Variants in GABRB1 observed in about 807,000 individuals in gnomAD.
GABRB1 encodes gamma-aminobutyric acid type A receptor subunit beta1, also known as gamma-aminobutyric acid receptor subunit beta-1.
In GABRB1, 17 loss-of-function variants were observed where a neutral mutation model predicts 51.6. The observed-to-expected ratio is 0.33, with a 90% CI of 0.23 to 0.49. GABRB1 has a LOEUF of 0.49. GABRB1 is among the 20% of genes least tolerant of loss of function. The pLI, the probability that GABRB1 is intolerant of heterozygous loss-of-function variation, is 0.99. For synonymous variants in GABRB1, 247 were observed against 218.9 expected (o/e 1.13, Z -1.14); for missense variants, 410 against 600.6 (o/e 0.68, Z 3.32).
At chr4:47,089,125 G>A (rs1728191879) in intron 3 of GABRB1, among the ~76,000 whole-genome samples, 1 of 152,218 alleles carries the variant, frequency 6.6e-6, no homozygotes, top group African/African-American at 2.4e-5. Context: ...TTACAATGAA[G>A]ATGAAGAGGA....
At chr4:47,356,451 A>G (rs1238825737) in intron 5 of GABRB1, among the ~76,000 whole-genome samples, 1 of 152,172 alleles carries the variant, frequency 6.6e-6, no homozygotes, top group Admixed American at 6.5e-5. Context: ...TTTTAGGCAA[A>G]GATTTATTTT....
At chr4:47,146,456 T>C (rs928411388) in intron 3 of GABRB1, among the ~76,000 whole-genome samples, 1 of 152,034 alleles carries the variant, frequency 6.6e-6, no homozygotes, top group Non-Finnish European at 1.5e-5. Flanking sequence ...AATGACATTA[T>C]AAATGGAGAC....
At chr4:47,195,433 TAGATAGATAGATGATA>T (rs1441211651) in intron 4 of GABRB1, among the ~76,000 whole-genome samples, 1 of 120,136 alleles carries the variant, frequency 8.3e-6, no homozygotes, top group African/African-American at 3.5e-5. Flanking sequence ...GATAGATAGA[TAGATAGATAGATGATA>T]GATAGATTAG....
intron 4 of GABRB1, among the ~76,000 whole-genome samples, chr4:47,206,083 A>T (rs1026478431): frequency 6.6e-6 from 1 of 152,002 alleles, no homozygotes; most frequent in African/African-American, 2.4e-5. Flanking sequence ...TGAATATCTT[A>T]AAACCATGAA....
intron 4 of GABRB1, among the ~76,000 whole-genome samples, chr4:47,222,477 T>C (rs1034920732): frequency 6.6e-6 from 1 of 152,100 alleles, no homozygotes; most frequent in Non-Finnish European, 1.5e-5. Context: ...GGGTTTGAAA[T>C]GCATCTCTGC....
intron 4 of GABRB1, among the ~76,000 whole-genome samples, chr4:47,251,779 T>C (rs1721997676): frequency 6.6e-6 from 1 of 152,124 alleles, no homozygotes; most frequent in Non-Finnish European, 1.5e-5. Flanking sequence ...GGGGGAAAGC[T>C]GGCAATCACA....
At chr4:47,115,456 T>C (rs897286527) in intron 3 of GABRB1, among the ~76,000 whole-genome samples, 1 of 151,962 alleles carries the variant, frequency 6.6e-6, no homozygotes, top group Non-Finnish European at 1.5e-5. Flanking sequence ...TAAGTAATAA[T>C]ATCTTGAGAA....
At position 47,324,160 on chromosome 4, in the gene GABRB1, C is replaced by T. The variant is rs1439724880; in HGVS notation, c.544+3951C>T. The stretch of plus-strand genomic sequence containing the variant: ...ATAATAATAAAAGAAAAAGCCATTT[C>T]AGGCCTGAAATCTCTCATTTTCACT... On this transcript the variant is annotated intron_variant, in intron 5 of 8. Coordinates refer to ENST00000295454, the MANE Select transcript of GABRB1 (RefSeq NM_000812.4). 4.6e-5 allele frequency among the ~76,000 whole-genome samples: 7 copies of T among 152,174 alleles called. No individual in the cohort carries two copies. The East Asian group carries it at 1.4e-3, about 29-fold the overall frequency.
intron 4 of GABRB1, among the ~76,000 whole-genome samples, chr4:47,195,461 T>TGATAGATA (rs200527612): frequency 2.8e-4 from 24 of 85,404 alleles, no homozygotes; most frequent in African/African-American, 4.0e-4. Context: ...ATAGATTAGA[T>TGATAGATA]GATAGATAGA....
intron 3 of GABRB1, among the ~76,000 whole-genome samples, chr4:47,062,905 A>T (rs559330366): frequency 1.3e-5 from 2 of 152,148 alleles, no homozygotes; most frequent in Non-Finnish European, 2.9e-5. Context: ...ACCAAGCCAT[A>T]CTATCCCTTC....
chr4:47,384,697 T>C (rs1197797935), intron 5 of GABRB1, among the ~76,000 whole-genome samples: 2 of 152,160 alleles, frequency 1.3e-5, no homozygotes, highest in Non-Finnish European at 2.9e-5. Context: ...TACATTTAAG[T>C]TAGCTAGATA....
chr4:47,113,386 C>A (rs1265758627), intron 3 of GABRB1, among the ~76,000 whole-genome samples: 4,319 of 105,432 alleles, frequency 0.041, no homozygotes, highest in Non-Finnish European at 0.047. Flanking sequence ...ACTTCGTCTC[C>A]AAAAAAAAAA....
intron 5 of GABRB1, among the ~76,000 whole-genome samples, chr4:47,358,260 C>T (rs1726659789): frequency 6.6e-6 from 1 of 151,740 alleles, no homozygotes; most frequent in African/African-American, 2.4e-5. Context: ...TAGAGTTCTC[C>T]ATAGGAACAG....
At chr4:47,299,470 C>A (rs1379844395) in intron 4 of GABRB1, among the ~76,000 whole-genome samples, 3 of 152,164 alleles carry the variant, frequency 2.0e-5, no homozygotes, top group South Asian at 4.2e-4. Context: ...ATTTATGCAG[C>A]CAAAAAACAC....
chr4:47,382,716 T>C (rs1727635269), intron 5 of GABRB1, among the ~76,000 whole-genome samples: 1 of 152,308 alleles, frequency 6.6e-6, no homozygotes, highest in Non-Finnish European at 1.5e-5. Context: ...AGCATTGCCC[T>C]TTCCTAACTG....
intron 3 of GABRB1, among the ~76,000 whole-genome samples, chr4:47,121,218 G>A (rs897198294): frequency 6.6e-6 from 1 of 152,090 alleles, no homozygotes; most frequent in Admixed American, 6.5e-5. Context: ...CATGTGTGTT[G>A]GCTGAGTTCT....
chr4:47,281,679 G>C (rs1277247048), intron 4 of GABRB1, among the ~76,000 whole-genome samples: 1 of 151,996 alleles, frequency 6.6e-6, no homozygotes, highest in African/African-American at 2.4e-5. Flanking sequence ...ATAAACAAAA[G>C]GTGGTATATA....
At chr4:47,006,892 A>C (rs1724418369) in intron 1 of GABRB1, among the ~76,000 whole-genome samples, 1 of 152,192 alleles carries the variant, frequency 6.6e-6, no homozygotes, top group South Asian at 2.1e-4. Flanking sequence ...TGGTGGCTCA[A>C]GCCTGGGATT....
upstream of GABRB1, among the ~76,000 whole-genome samples, chr4:47,030,528 C>T (rs1202402016): frequency 6.6e-6 from 1 of 152,126 alleles, no homozygotes; most frequent in Non-Finnish European, 1.5e-5. Context: ...TTCTCTAGGA[C>T]AAGAACCCTT....
Sources: gnomAD v4.1 joint callset for allele counts (sites outside exome capture counted in the v4.1 genomes callset) on GRCh38, gnomAD v4.1.1 for gene constraint, MANE v1.5 for transcripts, NCBI Gene and HGNC (gene_info 2026-07-23, HGNC 2026-07-21) for gene names.